Variants in ACMSD observed in about 807,000 individuals in gnomAD.
The protein encoded by ACMSD is 2-amino-3-carboxymuconate-6-semialdehyde decarboxylase.
A neutral mutation model predicts 45.9 loss-of-function variants in ACMSD; 37 were observed. The ratio of observed to expected loss-of-function variants is 0.81; its 90% CI spans 0.62 to 1.06. The LOEUF is 1.06. Among genes scored for constraint, ACMSD ranks in the 50% least tolerant of loss-of-function variants. The pLI, the probability that ACMSD is intolerant of heterozygous loss-of-function variation, is 0.00. For synonymous variants in ACMSD, 138 were observed against 148.8 expected, an observed-to-expected ratio of 0.93 and a Z score of 0.53; for missense variants, 434 against 420.9, an observed-to-expected ratio of 1.03 and a Z score of -0.27.
At chr2:134,860,856 C>CAAAAAAA (rs60233157) in intron 3 of ACMSD, among the ~76,000 whole-genome samples, 5,490 of 72,038 alleles carry the variant, frequency 0.076, 415 homozygotes, top group Non-Finnish European at 0.1. Context: ...CCTGTCTCCA[C>CAAAAAAA]AAAAAAAAAA....
chr2:134,885,398 A>G (rs1559065287), intron 8 of ACMSD, among the ~76,000 whole-genome samples: 1 of 116,380 alleles, frequency 8.6e-6, no homozygotes, highest in African/African-American at 3.3e-5. Flanking sequence ...AAATATATAT[A>G]TTTATATATA....
chr2:134,901,394 C>T (rs1690492101), intron 9 of ACMSD, among the ~76,000 whole-genome samples: 1 of 152,152 alleles, frequency 6.6e-6, no homozygotes, highest in South Asian at 2.1e-4. Context: ...AAAACAACAA[C>T]ACATATGTCT....
At position 134,885,389 on chromosome 2, in the gene ACMSD, A is replaced by C. The variant is rs1477554975; in HGVS notation, c.849+12748A>C. On this transcript the variant is annotated intron_variant, in intron 8 of 9. Transcript: ENST00000356140. ...ATATATTATATATAATATATATGTA[A>C]ATATATATATTTATATATAAAATAT... is the stretch of plus-strand genomic sequence containing the variant. Among the ~76,000 whole-genome samples, 10 of 103,982 alleles carry C rather than the reference A, an allele frequency of 9.6e-5. No individual in the cohort carries two copies. The East Asian group carries it at 1.0e-3, about 11-fold the overall frequency. 68.2% of individuals were successfully genotyped at this position (103,982 alleles called of 152,430 possible).
intron 8 of ACMSD, among the ~76,000 whole-genome samples, chr2:134,891,441 A>G (rs1228315631): frequency 5.3e-5 from 8 of 152,070 alleles, no homozygotes; most frequent in Non-Finnish European, 1.2e-4. Context: ...GAATAGACAC[A>G]CTTCAAAAGA....
chr2:134,897,543 C>T (rs1173957460), intron 8 of ACMSD, among the ~76,000 whole-genome samples: 3 of 152,070 alleles, frequency 2.0e-5, no homozygotes, highest in Non-Finnish European at 1.5e-5. Flanking sequence ...GAGTGGAATA[C>T]ATTTTGAGAA....
chr2:134,885,426 T>C (rs1031957172), intron 8 of ACMSD, among the ~76,000 whole-genome samples: 5 of 122,230 alleles, frequency 4.1e-5, no homozygotes, highest in African/African-American at 6.3e-5. Flanking sequence ...TATGTAAATA[T>C]ATATAATATA....
rs199786838 is a variant in ACMSD, at chr2:134,838,696, T to C, written c.14T>C (p.Ile5Thr). 332 of 1,607,398 alleles carry C rather than the reference T, an allele frequency of 2.1e-4. 2 individuals are homozygous for C. The Middle Eastern group carries it at 2.8e-3, about 14-fold the overall frequency. Residue 5 changes from isoleucine (I) to threonine (T), a missense_variant, in exon 1 of 10, where the codon ATC becomes ACC. Physicochemically the swap from Ile to Thr is moderately conservative, Grantham distance 89. Coordinates refer to ENST00000356140, the MANE Select transcript of ACMSD (RefSeq NM_138326.3). ...GATCCTGTGGAGATGAAAATTGACA[T>C]CCATAGTCATATTCTACCAAAAGAA... MKID[I>T]HSHILPKEWP...
chr2:134,885,320 A>T (rs1468704210), intron 8 of ACMSD, among the ~76,000 whole-genome samples: 49 of 86,110 alleles, frequency 5.7e-4, no homozygotes, highest in Admixed American at 1.1e-3. Flanking sequence ...TATATATATA[A>T]ATATATATGT....
At chr2:134,870,919 T>C in intron 6 of ACMSD, 46 bp from the exon 7 acceptor site, 1 of 1,525,860 alleles carries the variant, frequency 6.6e-7, no homozygotes, top group Non-Finnish European at 9.1e-7. Flanking sequence ...GAATTCTTCT[T>C]GGTGGGGTGA....
chr2:134,845,358 C>T (rs1055416849), intron 2 of ACMSD, 81 bp downstream of exon 2: 27 of 1,443,084 alleles, frequency 1.9e-5, no homozygotes, highest in Middle Eastern at 1.9e-4. Context: ...GGCTGGGCCT[C>T]CAGGGAACCC....
chr2:134,840,706 G>A (rs1025721024), intron 1 of ACMSD, among the ~76,000 whole-genome samples: 2 of 151,880 alleles, frequency 1.3e-5, no homozygotes, highest in Non-Finnish European at 2.9e-5. Flanking sequence ...TTGCTTTAAA[G>A]AGGGAGAGGA....
chr2:134,848,044 T>C (rs1687164470), intron 2 of ACMSD, among the ~76,000 whole-genome samples: 1 of 152,104 alleles, frequency 6.6e-6, no homozygotes, highest in Non-Finnish European at 1.5e-5. Context: ...AGAGACAGGG[T>C]TTCTCCATGT....
intron 2 of ACMSD, among the ~76,000 whole-genome samples, chr2:134,855,795 G>C (rs770349586): frequency 2.0e-5 from 3 of 152,216 alleles, no homozygotes; most frequent in Non-Finnish European, 4.4e-5. Context: ...AAGGTGAAAA[G>C]CATCCAGACT....
intron 8 of ACMSD, among the ~76,000 whole-genome samples, chr2:134,882,393 G>C (rs1689088463): frequency 6.6e-6 from 1 of 152,156 alleles, no homozygotes; most frequent in African/African-American, 2.4e-5. Flanking sequence ...CTCAGCCTCA[G>C]CTTCTACAAC....
At chr2:134,880,698 T>C (rs1051471980) in intron 8 of ACMSD, among the ~76,000 whole-genome samples, 1 of 152,164 alleles carries the variant, frequency 6.6e-6, no homozygotes. Flanking sequence ...CTGCAAGTCT[T>C]CCTCCAGGTG....
intron 8 of ACMSD, among the ~76,000 whole-genome samples, chr2:134,885,302 T>TA (rs1559064760): frequency 0.012 from 605 of 49,632 alleles, 9 homozygotes; most frequent in East Asian, 0.044. Context: ...TATATATATA[T>TA]TTAAATATAT....
In ACMSD at chr2:134,882,353, T is replaced by C. The variant is rs560264008; in HGVS notation, c.849+9712T>C. ...AGTCCTGGCTCTACTACTAGTTAGG[T>C]GGTGACCAAATATCAAGTCACTTAC... On this transcript the variant is annotated intron_variant, in intron 8 of 9. Transcript: ENST00000356140. 3.3e-5 allele frequency among the ~76,000 whole-genome samples: 5 copies of C among 152,254 alleles called. No individual in the cohort carries two copies. In the South Asian group the frequency reaches 1.0e-3, roughly 32 times the overall value.
intron 8 of ACMSD, among the ~76,000 whole-genome samples, chr2:134,885,289 ATTT>A (rs1689286001): frequency 1.9e-5 from 1 of 53,190 alleles, no homozygotes; most frequent in Non-Finnish European, 2.9e-5. Context: ...TATATATTAT[ATTT>A]ATATATATAT....
chr2:134,862,148 C>T (rs969516740), intron 4 of ACMSD, 130 bp downstream of exon 4: 40 of 970,610 alleles, frequency 4.1e-5, no homozygotes, highest in African/African-American at 1.9e-4. Flanking sequence ...TCCCCTTTAG[C>T]GATCAGCAGG....
Sources: allele counts gnomAD v4.1 joint callset (sites outside exome capture counted in the v4.1 genomes callset), GRCh38; gene constraint gnomAD v4.1.1; transcripts MANE v1.5; gene names NCBI Gene and HGNC (gene_info 2026-07-23, HGNC 2026-07-21).